The following SH3BP5 variants were observed in gnomAD, a reference collection of about 807,000 sequenced individuals.
SH3BP5 encodes SH3 domain-binding protein 5.
SH3BP5 carries 22 observed loss-of-function variants against 43.3 expected under a neutral mutation model. The observed-to-expected ratio is 0.51, with a 90% confidence interval of 0.36 to 0.73. The LOEUF is 0.73. SH3BP5 is among the 30% of genes least tolerant of loss of function. The probability of loss-of-function intolerance (pLI) is 0.00; values close to 1 mark genes in which losing one functional copy is unlikely to be tolerated. For missense variants in SH3BP5, 529 were observed against 586.9 expected (o/e 0.90, Z 1.02); for synonymous variants, 255 against 225.8 (o/e 1.13, Z -1.16).
At position 15,254,834 on chromosome 3, in the gene SH3BP5, A is replaced by G. The variant is rs1009738783; in HGVS notation, c.*1252T>C. On this transcript the variant is annotated 3_prime_UTR_variant, in exon 9 of 9. Coordinates refer to ENST00000383791, the MANE Select transcript of SH3BP5 (RefSeq NM_004844.5). ...GGCAATACTGGGAGTTCTTATTTGA[A>G]GTCACAGAAAGGAGAAACTTTTCTC... The G allele has an allele frequency of 2.0e-5, 3 of 152,222 alleles. No homozygotes were observed. The highest frequency in any genetic ancestry group is 7.2e-5 in the African/African-American group (3 of 41,442). The allele number at this position is 152,222 out of a possible 1,614,324, so 9.4% of individuals were successfully genotyped here.
In SH3BP5 at chr3:15,262,184, G is replaced by C; in HGVS notation, c.601C>G (p.Leu201Val). 1 of 1,614,110 alleles carries C rather than the reference G, an allele frequency of 6.2e-7. No homozygotes were observed. Among genetic ancestry groups the C allele is most frequent in the Non-Finnish European group, 8.5e-7 (1 of 1,180,014 alleles). ...TTGGACTTGTTGATGGCTCTCTTGA[G>C]TTTCTTCTCCAGCTGTCGCATGCGG... ...MGRMRQLEKK[L>V]KRAINKSKPY... Residue 201 changes from leucine to valine, a missense_variant, in exon 5 of 9, where the codon CTC becomes GTC. Physicochemically the swap from Leu to Val is conservative, Grantham distance 32. Transcript: ENST00000383791.
chr3:15,341,285 T>C (rs1698762664), exon 1 of SH3BP5: 1 of 152,654 alleles, frequency 6.6e-6, no homozygotes, highest in Non-Finnish European at 1.5e-5. Context: ...TCTGCATCGC[T>C]ATCTCCTCCA....
chr3:15,275,099 T>C (rs1696926628), intron 3 of SH3BP5, among the ~76,000 whole-genome samples: 1 of 152,170 alleles, frequency 6.6e-6, no homozygotes, highest in Admixed American at 6.5e-5. Flanking sequence ...AGGAGATCAG[T>C]GCCCTTGTAA....
At chr3:15,320,276 T>C (rs1205250314) in intron 2 of SH3BP5, among the ~76,000 whole-genome samples, 1 of 152,116 alleles carries the variant, frequency 6.6e-6, no homozygotes, top group Admixed American at 6.5e-5. Flanking sequence ...AGTTTCTTTC[T>C]GTTAGAGCAA....
At chr3:15,319,505 C>T (rs1698268066) in intron 2 of SH3BP5, among the ~76,000 whole-genome samples, 1 of 152,174 alleles carries the variant, frequency 6.6e-6, no homozygotes, top group Non-Finnish European at 1.5e-5. Flanking sequence ...TTCTTTGGCA[C>T]TGCCCCAGGA....
At chr3:15,270,088 C>T (rs1376933168) in intron 3 of SH3BP5, among the ~76,000 whole-genome samples, 2 of 152,208 alleles carry the variant, frequency 1.3e-5, no homozygotes, top group Non-Finnish European at 2.9e-5. Context: ...GAACAATTTC[C>T]ACAGTTCTGG....
At chr3:15,334,485 T>G (rs554262757), upstream of SH3BP5, among the ~76,000 whole-genome samples, 6 of 152,098 alleles carry the variant, frequency 3.9e-5, no homozygotes, top group Admixed American at 2.0e-4. Context: ...CCTAGCATTT[T>G]GGGAGGCTGA....
chr3:15,272,273 G>A (rs528738536), intron 3 of SH3BP5, among the ~76,000 whole-genome samples: 1 of 152,176 alleles, frequency 6.6e-6, no homozygotes, highest in Non-Finnish European at 1.5e-5. Flanking sequence ...CCCTCCAGGC[G>A]ACGATGACAA....
At chr3:15,288,032 G>A (rs1336488581) in intron 3 of SH3BP5, among the ~76,000 whole-genome samples, 1 of 152,232 alleles carries the variant, frequency 6.6e-6, no homozygotes, top group Non-Finnish European at 1.5e-5. Context: ...AGGCTGGCAA[G>A]TTCAAAATCT....
upstream of SH3BP5, among the ~76,000 whole-genome samples, chr3:15,334,876 C>A (rs1698682790): frequency 6.6e-6 from 1 of 151,864 alleles, no homozygotes; most frequent in Admixed American, 6.6e-5. Flanking sequence ...TGCTTAAGCC[C>A]AGGAGGTAGA....
intron 3 of SH3BP5, among the ~76,000 whole-genome samples, chr3:15,297,567 C>T (rs1559446000): frequency 6.6e-6 from 1 of 152,162 alleles, no homozygotes; most frequent in African/African-American, 2.4e-5. Flanking sequence ...TAGACTTTAT[C>T]GTTCCCAATT....
chr3:15,277,320 G>C (rs1017981841), intron 3 of SH3BP5, among the ~76,000 whole-genome samples: 2 of 152,230 alleles, frequency 1.3e-5, no homozygotes, highest in Non-Finnish European at 2.9e-5. Flanking sequence ...GCAAACTCCT[G>C]ACAAAGAAGT....
At chr3:15,281,935 C>T (rs991758793) in intron 3 of SH3BP5, among the ~76,000 whole-genome samples, 5 of 152,066 alleles carry the variant, frequency 3.3e-5, no homozygotes, top group African/African-American at 4.8e-5. Context: ...ACCTGGGAGG[C>T]GGAGGTTGCA....
intron 3 of SH3BP5, among the ~76,000 whole-genome samples, chr3:15,300,902 C>T (rs1575326723): frequency 6.6e-6 from 1 of 152,264 alleles, no homozygotes; most frequent in Non-Finnish European, 1.5e-5. Context: ...ACTCACTCAT[C>T]CCCAGGACCT....
chr3:15,319,665 A>G (rs566322371), intron 2 of SH3BP5, among the ~76,000 whole-genome samples: 19 of 152,354 alleles, frequency 1.2e-4, no homozygotes, highest in African/African-American at 4.1e-4. Context: ...GGAAGGAGCC[A>G]GAAACCAAAA....
At chr3:15,299,983 C>A (rs1697689516) in intron 3 of SH3BP5, among the ~76,000 whole-genome samples, 1 of 152,062 alleles carries the variant, frequency 6.6e-6, no homozygotes, top group Admixed American at 6.5e-5. Flanking sequence ...TGCTCTCAAC[C>A]ATTTGAGTGA....
chr3:15,309,585 G>A (rs1575336258), intron 2 of SH3BP5, among the ~76,000 whole-genome samples: 1 of 152,106 alleles, frequency 6.6e-6, no homozygotes, highest in East Asian at 1.9e-4. Context: ...TTTCTAAGCA[G>A]GGGCATGACC....
rs377608110 is a variant in SH3BP5 at position 15,262,114 on chromosome 3, C to T, written c.626+45G>A. On this transcript the variant is annotated intron_variant, in intron 5 of 8. Coordinates refer to ENST00000383791, the MANE Select transcript of SH3BP5 (RefSeq NM_004844.5). ...ATACAAAAGGCTGAGAAGATGCAGA[C>T]TAGGACAGCCGCACGGCCCCAGGGA... The T allele has an allele frequency of 1.8e-5, 29 of 1,609,454 alleles. No individual in the cohort carries two copies. The South Asian group carries it at 3.1e-4, about 17-fold the overall frequency.
chr3:15,292,297 A>G (rs1697434356), intron 3 of SH3BP5, among the ~76,000 whole-genome samples: 1 of 152,184 alleles, frequency 6.6e-6, no homozygotes, highest in South Asian at 2.1e-4. Context: ...GACAAACCAC[A>G]CCTGTTAGCT....
Sources: allele counts gnomAD v4.1 joint callset (sites outside exome capture counted in the v4.1 genomes callset), GRCh38; gene constraint gnomAD v4.1.1; transcripts MANE v1.5; gene names NCBI Gene and HGNC (gene_info 2026-07-23, HGNC 2026-07-21).